TMEM236: variants seen among roughly 807,000 people sequenced by gnomAD.
TMEM236 encodes the protein transmembrane protein 236.
A neutral mutation model predicts 14.7 loss-of-function variants in TMEM236; 11 were observed. The ratio of observed to expected loss-of-function variants is 0.75; its 90% CI spans 0.47 to 1.24. The LOEUF is 1.24. Among genes scored for constraint, TMEM236 ranks in the 50% most tolerant of loss-of-function variants. The pLI is 0.00. For synonymous variants in TMEM236, 182 were observed against 168.6 expected (o/e 1.08, Z -0.62); for missense variants, 464 against 427.3 (o/e 1.09, Z -0.76).
chr10:17,753,834 A>G (rs1384091079), intron 1 of TMEM236, among the ~76,000 whole-genome samples: 2 of 152,236 alleles, frequency 1.3e-5, no homozygotes, highest in Non-Finnish European at 2.9e-5. Flanking sequence ...ACTGTCTTCC[A>G]CAATGGTTAA....
chr10:17,760,967 T>A (rs1426561694), intron 1 of TMEM236, among the ~76,000 whole-genome samples: 1 of 152,196 alleles, frequency 6.6e-6, no homozygotes, highest in Non-Finnish European at 1.5e-5. Flanking sequence ...GGAGCTACAA[T>A]TCAAGATGAG....
chr10:17,752,571 T>G lies in TMEM236; in HGVS notation c.257+19T>G. On this transcript the variant is annotated intron_variant, in intron 1 of 3. Coordinates refer to ENST00000377495, the MANE Select transcript of TMEM236 (RefSeq NM_001098844.3). ...AAGGATGGTAAGTAAAAGAATTTTCTTTTTTTTCTTTTTGATTTGGAGTCT... is the reference window on the plus strand; with the variant it reads ...AAGGATGGTAAGTAAAAGAATTTTCGTTTTTTTCTTTTTGATTTGGAGTCT... 1 of 1,610,270 alleles carries G rather than the reference T, an allele frequency of 6.2e-7. No individual in the cohort carries two copies. The highest frequency in any genetic ancestry group is 8.5e-7 in the Non-Finnish European group (1 of 1,176,890).
At chr10:17,753,569 G>A (rs1383954231) in intron 1 of TMEM236, among the ~76,000 whole-genome samples, 1 of 152,126 alleles carries the variant, frequency 6.6e-6, no homozygotes, top group Non-Finnish European at 1.5e-5. Flanking sequence ...CCCTGCAAAG[G>A]ACATGATCTT....
At chr10:17,784,126 G>A (rs1837797655) in intron 3 of TMEM236, among the ~76,000 whole-genome samples, 1 of 151,960 alleles carries the variant, frequency 6.6e-6, no homozygotes, top group Non-Finnish European at 1.5e-5. Context: ...TCTGTATGGT[G>A]TAGTTATGCT....
intron 1 of TMEM236, among the ~76,000 whole-genome samples, chr10:17,765,148 A>G (rs1837442230): frequency 6.6e-6 from 1 of 151,970 alleles, no homozygotes; most frequent in African/African-American, 2.4e-5. Flanking sequence ...AAAGGACACC[A>G]GTCATATTGG....
At chr10:17,782,494 T>G (rs1837768892) in intron 3 of TMEM236, among the ~76,000 whole-genome samples, 1 of 152,096 alleles carries the variant, frequency 6.6e-6, no homozygotes, top group East Asian at 1.9e-4. Flanking sequence ...ACTCTGTTGC[T>G]CAGGTTGGAG....
intron 1 of TMEM236, among the ~76,000 whole-genome samples, chr10:17,768,727 A>ATGTGTGTGTGTGTGTGTG (rs570319904): frequency 1.4e-4 from 20 of 144,202 alleles, no homozygotes; most frequent in Non-Finnish European, 2.1e-4. Context: ...TATACAACTC[A>ATGTGTGTGTGTGTGTGTG]TGTGTGTGTG....
In TMEM236 at chr10:17,800,017, T is replaced by A. The variant is rs1259072344; in HGVS notation, c.*3513T>A. ...TACACTGCGAAAACATTGATAGTTC[T>A]ACACTGTAATTAAATGTTATATATA... On this transcript the variant is annotated 3_prime_UTR_variant, in exon 4 of 4. Coordinates refer to ENST00000377495, the MANE Select transcript of TMEM236 (RefSeq NM_001098844.3). 2.0e-5 allele frequency: 3 copies of A among 152,392 alleles called. No individual in the cohort carries two copies. The highest frequency in any genetic ancestry group is 7.2e-5 in the African/African-American group (3 of 41,444). The allele number at this position is 152,392 out of a possible 1,614,324, so 9.4% of individuals were successfully genotyped here.
chr10:17,768,849 G>A (rs1466358441), intron 1 of TMEM236, among the ~76,000 whole-genome samples: 1 of 151,748 alleles, frequency 6.6e-6, no homozygotes, highest in African/African-American at 2.4e-5. Flanking sequence ...AGGGTAATAA[G>A]TTTCAGTTTT....
chr10:17,774,223 T>C (rs1837622282), intron 2 of TMEM236, among the ~76,000 whole-genome samples: 1 of 152,112 alleles, frequency 6.6e-6, no homozygotes, highest in African/African-American at 2.4e-5. Flanking sequence ...GTTTGTATTT[T>C]TAATAGAGAT....
intron 3 of TMEM236, among the ~76,000 whole-genome samples, chr10:17,785,227 C>T (rs925438991): frequency 1.2e-4 from 18 of 152,166 alleles, no homozygotes; most frequent in African/African-American, 4.1e-4. Flanking sequence ...GACTCTTAGC[C>T]GTGGGTTTCC....
At chr10:17,757,727 G>C (rs1370369224) in intron 1 of TMEM236, among the ~76,000 whole-genome samples, 6 of 151,934 alleles carry the variant, frequency 3.9e-5, no homozygotes, top group Non-Finnish European at 4.4e-5. Flanking sequence ...TTGAATGCCA[G>C]GTGTGTTTCA....
intron 2 of TMEM236, among the ~76,000 whole-genome samples, chr10:17,773,362 CTT>C (rs1443404832): frequency 5.3e-5 from 8 of 152,272 alleles, no homozygotes; most frequent in African/African-American, 1.9e-4. Flanking sequence ...GAGACAGAGT[CTT>C]TCTCTGTTGC....
At position 17,752,423 on chromosome 10, in the gene TMEM236, A is replaced by G; in HGVS notation, c.128A>G (p.Asp43Gly). The G allele has an allele frequency of 6.2e-7, 1 of 1,613,972 alleles. No individual in the cohort carries two copies. Among genetic ancestry groups the G allele is most frequent in the East Asian group, 2.2e-5 (1 of 44,876 alleles). Residue 43 changes from aspartate (D) to glycine (G), a missense_variant, in exon 1 of 4, where the codon GAC becomes GGC. Physicochemically the swap from Asp to Gly is moderately conservative, Grantham distance 94. Coordinates refer to ENST00000377495, the MANE Select transcript of TMEM236 (RefSeq NM_001098844.3). ...TACCAAGGAACAAGGGCTAGATCTG[A>G]CAACACACACTACTGGCTGATCATC... ...TAYQGTRARSDNTHYWLIISC... is the reference protein window; with the variant it reads ...TAYQGTRARSGNTHYWLIISC...
Position 17,796,414 on chromosome 10 carries a change from TA to T in TMEM236, c.971del (p.Asn324IlefsTer4). ...CTATCACACCCGTACTGGGCCTGTG[TA>T]AAAATATCCTCGTGACTCTCTCTTA... ...GTITPVLGLC[K>X]NILVTLSYIY... On this transcript the variant is annotated frameshift_variant, in exon 4 of 4. Coordinates refer to ENST00000377495, the MANE Select transcript of TMEM236 (RefSeq NM_001098844.3). LOFTEE classifies it high-confidence loss of function. 2 of 1,613,858 alleles carry T rather than the reference TA, an allele frequency of 1.2e-6. No homozygotes were observed. The highest frequency in any genetic ancestry group is 2.7e-5 in the African/African-American group (2 of 75,012).
At chr10:17,786,377 G>C (rs1249426523) in intron 3 of TMEM236, among the ~76,000 whole-genome samples, 23 of 152,076 alleles carry the variant, frequency 1.5e-4, no homozygotes, top group Admixed American at 1.4e-3. Context: ...TCTGTTTTTT[G>C]AGACAATGTC....
chr10:17,770,769 T>G (rs1554834741), intron 1 of TMEM236, among the ~76,000 whole-genome samples: 1 of 152,240 alleles, frequency 6.6e-6, no homozygotes, highest in African/African-American at 2.4e-5. Flanking sequence ...ATGCAAGGTT[T>G]AAGAAGTGGT....
In TMEM236 at chr10:17,799,376, C is replaced by T. The variant is rs1838062416; in HGVS notation, c.*2872C>T. ...TTCGGAGGCCTTGGCAGGCGGATCA[C>T]TTGAGGCCAAGAGTTCGAGACTAGC... is the stretch of plus-strand genomic sequence containing the variant. On this transcript the variant is annotated 3_prime_UTR_variant, in exon 4 of 4. Transcript: ENST00000377495. 6.6e-6 allele frequency: 1 copy of T among 152,378 alleles called. No individual in the cohort carries two copies. The highest frequency in any genetic ancestry group is 1.5e-5 in the Non-Finnish European group (1 of 68,198). 9.4% of individuals were successfully genotyped at this position (152,378 alleles called of 1,614,324 possible). A position where few individuals can be genotyped will look rare whatever the true frequency, so the allele number is the denominator to read the frequency against.
At chr10:17,782,956 C>T (rs1003094029) in intron 3 of TMEM236, among the ~76,000 whole-genome samples, 4 of 152,130 alleles carry the variant, frequency 2.6e-5, no homozygotes, top group African/African-American at 9.7e-5. Context: ...GTTAGAATGC[C>T]TGAGGCGATG....
Sources: gnomAD v4.1 joint callset for allele counts (sites outside exome capture counted in the v4.1 genomes callset) on GRCh38, gnomAD v4.1.1 for gene constraint, MANE v1.5 for transcripts, NCBI Gene and HGNC (gene_info 2026-07-23, HGNC 2026-07-21) for gene names.